PKP4: variants seen among roughly 807,000 people sequenced by gnomAD.
PKP4 encodes the protein plakophilin-4.
A neutral mutation model predicts 145.1 loss-of-function variants in PKP4; 90 were observed. The observed-to-expected ratio is 0.62, with a 90% CI of 0.52 to 0.74. PKP4 has a LOEUF of 0.74. Among genes scored for constraint, PKP4 ranks in the 30% least tolerant of loss-of-function variants. The pLI, the probability that PKP4 is intolerant of heterozygous loss-of-function variation, is 0.00. For missense variants in PKP4, 1,340 were observed against 1,482.7 expected, an observed-to-expected ratio of 0.90 and a Z score of 1.58; for synonymous variants, 563 against 577.2, an observed-to-expected ratio of 0.98 and a Z score of 0.35.
Position 158,677,725 on chromosome 2 carries a change from A to G in PKP4, c.3257-856A>G, listed in dbSNP as rs990463535. ...ATCGACTGTTGTTACTATGGCAATT[A>G]ATAGCTCAGAAAATTGCAGATGCTA... is the stretch of plus-strand genomic sequence containing the variant. On this transcript the variant is annotated intron_variant, in intron 20 of 21. Transcript: ENST00000389759. Among the ~76,000 whole-genome samples, 99 of 152,198 alleles carry G rather than the reference A, an allele frequency of 6.5e-4. 1 individual carries two copies. The highest frequency in any genetic ancestry group is 2.3e-3 in the African/African-American group (96 of 41,456).
intron 1 of PKP4, among the ~76,000 whole-genome samples, chr2:158,517,419 G>A (rs151027146): frequency 1.3e-5 from 2 of 152,108 alleles, no homozygotes; most frequent in Non-Finnish European, 2.9e-5. Context: ...TGCCATCTGT[G>A]TTTCACCTCT....
intron 11 of PKP4, among the ~76,000 whole-genome samples, chr2:158,651,198 G>C (rs2055331079): frequency 4.6e-5 from 7 of 152,142 alleles, no homozygotes; most frequent in Admixed American, 4.6e-4. Flanking sequence ...TTGGGCAATT[G>C]ATTAGCCCAG....
At chr2:158,643,624 A>T (rs1197834783) in intron 11 of PKP4, among the ~76,000 whole-genome samples, 3 of 121,848 alleles carry the variant, frequency 2.5e-5, no homozygotes, top group African/African-American at 8.1e-5. Flanking sequence ...AAGTAGGGGG[A>T]TCACTTAAGC....
Position 158,669,755 on chromosome 2 carries a change from C to T in PKP4, c.2764C>T (p.Pro922Ser). 2 of 1,603,556 alleles carry T rather than the reference C, an allele frequency of 1.2e-6. No individual in the cohort carries two copies. The highest frequency in any genetic ancestry group is 2.2e-5 in the East Asian group (1 of 44,654). ...YAMRDLVNRL[P>S]GGNGPSVLSD... ...CATGCGAGACCTGGTCAACCGGCTC[C>T]CCGGCGGCAATGGCCCCAGTGTCTT... Residue 922 changes from proline (P) to serine (S), a missense_variant, in exon 17 of 22, where the codon CCC (proline) becomes TCC (serine). Coordinates refer to ENST00000389759, the MANE Select transcript of PKP4 (RefSeq NM_003628.6).
intron 1 of PKP4, among the ~76,000 whole-genome samples, chr2:158,482,959 A>AT (rs1559204159): frequency 6.6e-6 from 1 of 152,202 alleles, no homozygotes. Context: ...ACACAGGCCA[A>AT]TTGGTTATTT....
At chr2:158,601,017 C>T (rs1285006744) in intron 3 of PKP4, among the ~76,000 whole-genome samples, 1 of 152,132 alleles carries the variant, frequency 6.6e-6, no homozygotes, top group Non-Finnish European at 1.5e-5. Flanking sequence ...AGTTGACCTG[C>T]TTATACTAGG....
chr2:158,475,994 A>G (rs1692410223), intron 1 of PKP4, among the ~76,000 whole-genome samples: 1 of 152,206 alleles, frequency 6.6e-6, no homozygotes, highest in Non-Finnish European at 1.5e-5. Flanking sequence ...CAGATTTTCA[A>G]ATAGTTCTTG....
At chr2:158,569,178 A>G (rs1222004628) in intron 2 of PKP4, among the ~76,000 whole-genome samples, 2 of 152,184 alleles carry the variant, frequency 1.3e-5, no homozygotes, top group Non-Finnish European at 2.9e-5. Flanking sequence ...TAGAATATAA[A>G]CTTCAAGCAT....
At chr2:158,619,368 T>C (rs2051972388) in intron 4 of PKP4, among the ~76,000 whole-genome samples, 2 of 152,204 alleles carry the variant, frequency 1.3e-5, no homozygotes, top group Non-Finnish European at 2.9e-5. Context: ...TGTCACAGAA[T>C]TCTACCATAC....
intron 1 of PKP4, among the ~76,000 whole-genome samples, chr2:158,511,600 T>C (rs1390402623): frequency 6.6e-6 from 1 of 152,208 alleles, no homozygotes; most frequent in Non-Finnish European, 1.5e-5. Flanking sequence ...CTATATTTGC[T>C]CAATTAACTG....
intron 2 of PKP4, among the ~76,000 whole-genome samples, chr2:158,545,772 G>C (rs1377926910): frequency 6.6e-6 from 1 of 152,066 alleles, no homozygotes; most frequent in Non-Finnish European, 1.5e-5. Context: ...TTTAGTGTTT[G>C]TAAAAATTCT....
At chr2:158,592,561 C>A (rs2049367994) in intron 3 of PKP4, among the ~76,000 whole-genome samples, 1 of 152,122 alleles carries the variant, frequency 6.6e-6, no homozygotes, top group African/African-American at 2.4e-5. Context: ...TATGCTCTCT[C>A]TTTTCACACT....
At chr2:158,576,176 A>G (rs1202732518) in intron 2 of PKP4, among the ~76,000 whole-genome samples, 2 of 152,238 alleles carry the variant, frequency 1.3e-5, no homozygotes, top group Admixed American at 6.5e-5. Flanking sequence ...AGTACTGTCA[A>G]GCAATTACAT....
chr2:158,648,061 C>T (rs886184444), intron 11 of PKP4, among the ~76,000 whole-genome samples: 4 of 152,158 alleles, frequency 2.6e-5, no homozygotes, highest in East Asian at 3.8e-4. Flanking sequence ...TTTTAATGTA[C>T]GTACCAGATG....
chr2:158,655,539 T>C (rs1290543277), intron 11 of PKP4, among the ~76,000 whole-genome samples: 2 of 145,556 alleles, frequency 1.4e-5, no homozygotes, highest in East Asian at 4.2e-4. Context: ...GTTGTTTAAT[T>C]TTCTGTATAT....
chr2:158,506,396 A>G (rs980318002), intron 1 of PKP4, among the ~76,000 whole-genome samples: 1 of 152,258 alleles, frequency 6.6e-6, no homozygotes, highest in Non-Finnish European at 1.5e-5. Flanking sequence ...AATTTGGCAG[A>G]CAGCTCAGTT....
At chr2:158,631,192 G>A (rs980728608) in intron 7 of PKP4, among the ~76,000 whole-genome samples, 8 of 151,884 alleles carry the variant, frequency 5.3e-5, no homozygotes, top group Non-Finnish European at 1.5e-5. Context: ...CACCCTCCTC[G>A]GCTTCCCAAA....
Position 158,661,434 on chromosome 2 carries a change from C to G in PKP4, c.2195C>G (p.Ser732Cys). ...GTGATCCACACGTGTGTGAACACAT[C>G]CGATTACGACAGCAAGGTCAGTGCC... ...LYVIHTCVNTSDYDSKTVENC... is the reference protein window; with the variant it reads ...LYVIHTCVNTCDYDSKTVENC... The change falls in exon 13 of 22, where the codon TCC (serine) becomes TGC (cysteine). Residue 732 changes from serine (S) to cysteine (C), a missense_variant. Transcript: ENST00000389759. 6.2e-7 allele frequency: 1 copy of G among 1,610,356 alleles called. No individual in the cohort carries two copies.
At chr2:158,507,343 G>A (rs1385396952) in intron 1 of PKP4, among the ~76,000 whole-genome samples, 1 of 152,206 alleles carries the variant, frequency 6.6e-6, no homozygotes, top group Admixed American at 6.5e-5. Context: ...TTGTTGTGAT[G>A]TAATTTCAGT....
Sources: allele counts gnomAD v4.1 joint callset (sites outside exome capture counted in the v4.1 genomes callset), GRCh38; gene constraint gnomAD v4.1.1; transcripts MANE v1.5; gene names NCBI Gene and HGNC (gene_info 2026-07-23, HGNC 2026-07-21).